Variants in HMGCLL1 observed in about 807,000 individuals in gnomAD.
HMGCLL1 encodes 3-hydroxy-3-methylglutaryl-CoA lyase like 1.
HMGCLL1 carries 36 observed loss-of-function variants against 39.1 expected under a neutral mutation model. The observed-to-expected ratio is 0.92, with a 90% CI of 0.71 to 1.22. HMGCLL1 has a LOEUF of 1.22. Among genes scored for constraint, HMGCLL1 ranks in the 50% most tolerant of loss-of-function variants. The pLI is 0.00. For missense variants in HMGCLL1, 451 were observed against 416.5 expected, an observed-to-expected ratio of 1.08 and a Z score of -0.72; for synonymous variants, 149 against 144.0, an observed-to-expected ratio of 1.03 and a Z score of -0.25.
intron 3 of HMGCLL1, among the ~76,000 whole-genome samples, chr6:55,529,119 T>C (rs1033434369): frequency 2.0e-5 from 3 of 152,148 alleles, no homozygotes; most frequent in Non-Finnish European, 2.9e-5. Flanking sequence ...TTAATGCCTT[T>C]TGTGACCACC....
At chr6:55,578,750 C>A (rs1025750838) in intron 1 of HMGCLL1, among the ~76,000 whole-genome samples, 198 bp downstream of exon 1, 3 of 152,170 alleles carry the variant, frequency 2.0e-5, no homozygotes, top group African/African-American at 7.2e-5. Flanking sequence ...TCTGTAGAGG[C>A]GGGTCGATAC....
intron 7 of HMGCLL1, among the ~76,000 whole-genome samples, chr6:55,474,939 G>A (rs1765219978): frequency 6.6e-6 from 1 of 151,574 alleles, no homozygotes; most frequent in African/African-American, 2.4e-5. Flanking sequence ...TCTTTCTGCT[G>A]TAATCTGCTG....
chr6:55,479,151 A>T (rs898220030), intron 7 of HMGCLL1, among the ~76,000 whole-genome samples: 5 of 151,392 alleles, frequency 3.3e-5, no homozygotes, highest in East Asian at 1.9e-4. Flanking sequence ...GGAGCTAGGG[A>T]CTATCCTCAC....
intron 1 of HMGCLL1, among the ~76,000 whole-genome samples, chr6:55,576,243 C>T (rs967148973): frequency 3.3e-5 from 5 of 152,082 alleles, no homozygotes; most frequent in Admixed American, 1.3e-4. Context: ...AAGTTGAGGG[C>T]GGAAGATTAA....
rs921800443 is a variant in HMGCLL1 at position 55,516,473 on chromosome 6, C to T, written c.393+35G>A. On this transcript the variant is annotated intron_variant, in intron 4 of 8. Transcript: ENST00000274901. ...TAAATATCTTTAAAACGATAAGAGG[C>T]CTATCAATTTTAGAGATATTAGTAG... is the stretch of plus-strand genomic sequence containing the variant. 1.6e-5 allele frequency: 20 copies of T among 1,282,050 alleles called. No individual in the cohort carries two copies. In the Admixed American group the frequency reaches 3.3e-4, roughly 21 times the overall value. The allele number at this position is 1,282,050 out of a possible 1,614,324, so 79.4% of individuals were successfully genotyped here.
chr6:55,538,596 A>G (rs1581916447), intron 3 of HMGCLL1, among the ~76,000 whole-genome samples: 2 of 152,290 alleles, frequency 1.3e-5, no homozygotes, highest in East Asian at 1.9e-4. Flanking sequence ...CCTTCATTAT[A>G]CAGGACCAAA....
intron 3 of HMGCLL1, among the ~76,000 whole-genome samples, chr6:55,533,703 G>A (rs897877692): frequency 6.6e-6 from 1 of 150,714 alleles, no homozygotes; most frequent in Admixed American, 6.6e-5. Flanking sequence ...TGGCTAACAC[G>A]GTGAAACCCC....
At chr6:55,437,353 G>A (rs1401817961) in intron 8 of HMGCLL1, among the ~76,000 whole-genome samples, 18 of 151,800 alleles carry the variant, frequency 1.2e-4, no homozygotes, top group Admixed American at 1.1e-3. Context: ...CATAGTTAAA[G>A]CCACAAATAG....
chr6:55,547,097 AC>A (rs1254081586), intron 1 of HMGCLL1, among the ~76,000 whole-genome samples: 3 of 152,040 alleles, frequency 2.0e-5, no homozygotes, highest in African/African-American at 7.2e-5. Context: ...TCCTAAGTTT[AC>A]CCAGCTAAGC....
At chr6:55,478,280 C>G (rs563382593) in intron 7 of HMGCLL1, among the ~76,000 whole-genome samples, 1 of 151,302 alleles carries the variant, frequency 6.6e-6, no homozygotes, top group South Asian at 2.1e-4. Context: ...AAATAAGATA[C>G]TGTGAAATGG....
intron 7 of HMGCLL1, among the ~76,000 whole-genome samples, chr6:55,465,776 A>T (rs1764774129): frequency 6.6e-6 from 1 of 152,090 alleles, no homozygotes; most frequent in South Asian, 2.1e-4. Context: ...TCTTTCAATT[A>T]TTTCTGGTAT....
chr6:55,534,376 G>A (rs1277825118), intron 3 of HMGCLL1, among the ~76,000 whole-genome samples: 2 of 152,142 alleles, frequency 1.3e-5, no homozygotes, highest in Non-Finnish European at 2.9e-5. Flanking sequence ...TTTGAAACTC[G>A]GTGGGCTTTG....
chr6:55,593,014 C>A, the HMGCLL1 span, among the ~76,000 whole-genome samples: 2 of 152,016 alleles, frequency 1.3e-5, no homozygotes, highest in East Asian at 3.9e-4. Flanking sequence ...TAAATTTTTT[C>A]CCATGATTTC....
At chr6:55,483,066 C>A (rs1765826645) in intron 7 of HMGCLL1, among the ~76,000 whole-genome samples, 1 of 151,906 alleles carries the variant, frequency 6.6e-6, no homozygotes, top group Non-Finnish European at 1.5e-5. Context: ...AAAGAAATAA[C>A]CAAATTTCAT....
At chr6:55,651,016 T>A in the HMGCLL1 span, among the ~76,000 whole-genome samples, 30 of 152,176 alleles carry the variant, frequency 2.0e-4, no homozygotes, top group African/African-American at 6.0e-4. Flanking sequence ...CCTAAGAGCC[T>A]GCTTGTTGGT....
chr6:55,501,461 A>C (rs1384700505), intron 5 of HMGCLL1, among the ~76,000 whole-genome samples: 1 of 151,874 alleles, frequency 6.6e-6, no homozygotes, highest in African/African-American at 2.4e-5. Flanking sequence ...TTACAGAAAA[A>C]GGTTGTCAAC....
chr6:55,477,328 T>TATATAATATAATATATATTATATA (rs1561905015), intron 7 of HMGCLL1, among the ~76,000 whole-genome samples: 1 of 18,060 alleles, frequency 5.5e-5, no homozygotes, highest in African/African-American at 3.8e-4. Context: ...TATATTATAT[T>TATATAATATAATATATATTATATA]ATATAATATA....
chr6:55,476,872 G>A (rs1398292222), intron 7 of HMGCLL1, among the ~76,000 whole-genome samples: 1 of 146,822 alleles, frequency 6.8e-6, no homozygotes, highest in Admixed American at 6.8e-5. Flanking sequence ...AAATGAATTA[G>A]GAGGGGGCAG....
At chr6:55,582,485 G>A (rs905144899), upstream of HMGCLL1, among the ~76,000 whole-genome samples, 8 of 152,096 alleles carry the variant, frequency 5.3e-5, no homozygotes, top group African/African-American at 1.9e-4. Flanking sequence ...GTGGGGGTAA[G>A]TCATATTTCT....
Sources: allele counts gnomAD v4.1 joint callset (sites outside exome capture counted in the v4.1 genomes callset), GRCh38; gene constraint gnomAD v4.1.1; transcripts MANE v1.5; gene names NCBI Gene and HGNC (gene_info 2026-07-23, HGNC 2026-07-21).